The following KCNH8 variants were observed in gnomAD, a reference collection of about 807,000 sequenced individuals.
The protein encoded by KCNH8 is voltage-gated delayed rectifier potassium channel KCNH8.
Under a neutral mutation model 103.6 loss-of-function variants are expected in KCNH8, and 70 were observed. The ratio of observed to expected loss-of-function variants is 0.68; its 90% CI spans 0.56 to 0.82. The LOEUF (loss-of-function observed/expected upper bound fraction) is 0.82, where lower values mean the gene tolerates loss of function less well. Among genes scored for constraint, KCNH8 ranks in the 40% least tolerant of loss-of-function variants. The pLI, the probability that KCNH8 is intolerant of heterozygous loss-of-function variation, is 0.00. For missense variants in KCNH8, 1,217 were observed against 1,329.9 expected, an observed-to-expected ratio of 0.92 and a Z score of 1.32; for synonymous variants, 498 against 489.4, an observed-to-expected ratio of 1.02 and a Z score of -0.23.
chr3:19,229,713 C>T (rs2063971344), intron 1 of KCNH8, among the ~76,000 whole-genome samples: 1 of 152,192 alleles, frequency 6.6e-6, no homozygotes, highest in African/African-American at 2.4e-5. Flanking sequence ...TATCTTGGAC[C>T]TTATTGTTCA....
chr3:19,156,263 C>T (rs2063180178), intron 1 of KCNH8, among the ~76,000 whole-genome samples: 1 of 152,080 alleles, frequency 6.6e-6, no homozygotes, highest in African/African-American at 2.4e-5. Context: ...AAGGCAGCAC[C>T]CACTTTTTGA....
intron 11 of KCNH8, among the ~76,000 whole-genome samples, chr3:19,459,686 A>G (rs923410054): frequency 1.3e-5 from 2 of 152,044 alleles, no homozygotes; most frequent in African/African-American, 4.8e-5. Context: ...GACCAATGTC[A>G]TGGAGCTTTC....
chr3:19,374,011 G>A (rs2066149077), intron 5 of KCNH8, among the ~76,000 whole-genome samples: 1 of 152,136 alleles, frequency 6.6e-6, no homozygotes, highest in Non-Finnish European at 1.5e-5. Flanking sequence ...CATTTGCTGA[G>A]GAGTGCTTTA....
intron 3 of KCNH8, among the ~76,000 whole-genome samples, chr3:19,333,527 T>C (rs1235334360): frequency 6.6e-6 from 1 of 152,218 alleles, no homozygotes; most frequent in Non-Finnish European, 1.5e-5. Flanking sequence ...TCCCCTGCCC[T>C]GACTCTGGCA....
chr3:19,378,825 TA>T (rs1199871076), intron 5 of KCNH8, among the ~76,000 whole-genome samples: 13 of 152,228 alleles, frequency 8.5e-5, no homozygotes, highest in Non-Finnish European at 4.4e-5. Context: ...CTTCAGAGCC[TA>T]ATATCAACGT....
chr3:19,332,131 G>T (rs2065519261), intron 3 of KCNH8, among the ~76,000 whole-genome samples: 2 of 148,552 alleles, frequency 1.3e-5, no homozygotes, highest in Non-Finnish European at 3.0e-5. Flanking sequence ...TCCTTAGATT[G>T]GGCAGTTTCA....
chr3:19,201,254 A>AAAAAAAAG (rs1559419878), intron 1 of KCNH8, among the ~76,000 whole-genome samples: 6 of 143,514 alleles, frequency 4.2e-5, no homozygotes, highest in Non-Finnish European at 7.8e-5. Context: ...AAAAAAAAAA[A>AAAAAAAAG]AAAAAAAAGA....
In KCNH8 at chr3:19,451,230, C is replaced by G; in HGVS notation, c.1651C>G (p.Leu551Val). Residue 551 changes from leucine to valine, a missense_variant, in exon 10 of 16, where the codon CTT (leucine) becomes GTT (valine). Transcript: ENST00000328405. Reference sequence around the variant, plus strand: ...GAACAAGGAGATCTTACAGTTGTCCCTTTTTGAATGTGCCAGCCGGGGCTG... The same window carrying G: ...GAACAAGGAGATCTTACAGTTGTCCGTTTTTGAATGTGCCAGCCGGGGCTG... ...HLNKEILQLS[L>V]FECASRGCLR... 6.2e-7 allele frequency: 1 copy of G among 1,613,894 alleles called. No individual in the cohort carries two copies. The highest frequency in any genetic ancestry group is 8.5e-7 in the Non-Finnish European group (1 of 1,179,858).
chr3:19,411,825 T>C (rs1185967863), intron 7 of KCNH8, among the ~76,000 whole-genome samples: 1 of 150,680 alleles, frequency 6.6e-6, no homozygotes, highest in East Asian at 2.0e-4. Context: ...ACCAAGGAGA[T>C]GAAAGATATC....
chr3:19,274,226 T>C (rs1481697844), intron 2 of KCNH8, among the ~76,000 whole-genome samples: 12 of 152,178 alleles, frequency 7.9e-5, no homozygotes, highest in Non-Finnish European at 1.2e-4. Flanking sequence ...ATCTCCATAA[T>C]TGTAAAATAT....
chr3:19,497,572 A>C (rs191359364), intron 11 of KCNH8, among the ~76,000 whole-genome samples: 43 of 151,956 alleles, frequency 2.8e-4, no homozygotes, highest in African/African-American at 9.6e-4. Context: ...CTTAATGTTG[A>C]TTTCTGTTTT....
At chr3:19,295,230 A>G (rs1022964408) in intron 3 of KCNH8, among the ~76,000 whole-genome samples, 10 of 151,908 alleles carry the variant, frequency 6.6e-5, no homozygotes, top group African/African-American at 1.9e-4. Context: ...ACATTGAAAA[A>G]AAATTTAGCC....
chr3:19,157,876 C>T (rs1191134260), intron 1 of KCNH8, among the ~76,000 whole-genome samples: 1 of 151,612 alleles, frequency 6.6e-6, no homozygotes, highest in Non-Finnish European at 1.5e-5. Flanking sequence ...ATTAGTAACA[C>T]GAATTGTATA....
At chr3:19,234,793 C>T (rs2064043249) in intron 1 of KCNH8, among the ~76,000 whole-genome samples, 1 of 152,240 alleles carries the variant, frequency 6.6e-6, no homozygotes, top group African/African-American at 2.4e-5. Context: ...ACTGCCAGCA[C>T]GCTGTCACCG....
intron 7 of KCNH8, among the ~76,000 whole-genome samples, chr3:19,408,644 A>G (rs2125145571): frequency 6.6e-6 from 1 of 152,298 alleles, no homozygotes; most frequent in South Asian, 2.1e-4. Context: ...AAATGAAGGA[A>G]GAGATAAATG....
intron 1 of KCNH8, among the ~76,000 whole-genome samples, chr3:19,163,170 C>G (rs570931715): frequency 1.4e-3 from 212 of 151,610 alleles, no homozygotes; most frequent in Non-Finnish European, 2.6e-3. Context: ...ACACCAACAA[C>G]TTGGCATAAG....
At chr3:19,489,821 C>A (rs1207992780) in intron 11 of KCNH8, among the ~76,000 whole-genome samples, 2 of 152,106 alleles carry the variant, frequency 1.3e-5, no homozygotes, top group African/African-American at 4.8e-5. Context: ...CAAATCCAAG[C>A]CAGGTCAAAA....
At chr3:19,330,979 G>T (rs1368587462) in intron 3 of KCNH8, among the ~76,000 whole-genome samples, 1 of 152,026 alleles carries the variant, frequency 6.6e-6, no homozygotes, top group Non-Finnish European at 1.5e-5. Flanking sequence ...TGCAGTATCT[G>T]CCATCTTCCC....
chr3:19,504,773 C>T (rs181135614), intron 11 of KCNH8, among the ~76,000 whole-genome samples: 13 of 152,084 alleles, frequency 8.5e-5, no homozygotes, highest in African/African-American at 2.7e-4. Flanking sequence ...GTGTCAATTC[C>T]TCAAAGAGCT....
Sources: allele counts gnomAD v4.1 joint callset (sites outside exome capture counted in the v4.1 genomes callset), GRCh38; gene constraint gnomAD v4.1.1; transcripts MANE v1.5; gene names NCBI Gene and HGNC (gene_info 2026-07-23, HGNC 2026-07-21).